RBMS3: variants seen among roughly 807,000 people sequenced by gnomAD.
The protein encoded by RBMS3 is RNA binding motif single stranded interacting protein 3, also known as RNA-binding motif, single-stranded-interacting protein 3.
RBMS3 carries 27 observed loss-of-function variants against 66.8 expected under a neutral mutation model. The ratio of observed to expected loss-of-function variants is 0.40; its 90% CI spans 0.30 to 0.56. The LOEUF (loss-of-function observed/expected upper bound fraction) is 0.56, where lower values mean the gene tolerates loss of function less well. RBMS3 is among the 20% of genes least tolerant of loss of function. The pLI is 0.40. For synonymous variants in RBMS3, 188 were observed against 183.0 expected, an observed-to-expected ratio of 1.03 and a Z score of -0.22; for missense variants, 513 against 549.5, an observed-to-expected ratio of 0.93 and a Z score of 0.66.
intron 1 of RBMS3, among the ~76,000 whole-genome samples, chr3:29,285,077 A>G (rs1321273201): frequency 6.6e-6 from 1 of 151,210 alleles, no homozygotes; most frequent in African/African-American, 2.4e-5. Context: ...AAAATAGTTC[A>G]TTAGCTTAAT....
intron 6 of RBMS3, among the ~76,000 whole-genome samples, chr3:29,807,882 C>CT: frequency 6.6e-6 from 1 of 151,888 alleles, no homozygotes; most frequent in Middle Eastern, 3.4e-3. Context: ...TTTTCTTCCT[C>CT]TTTTTTCCTC....
intron 4 of RBMS3, among the ~76,000 whole-genome samples, chr3:29,664,551 C>T (rs1056195537): frequency 6.6e-6 from 1 of 151,528 alleles, no homozygotes; most frequent in African/African-American, 2.4e-5. Flanking sequence ...AAAGTTGAAG[C>T]AATGGTTTTT....
chr3:29,595,666 G>A (rs565319569), intron 4 of RBMS3, among the ~76,000 whole-genome samples: 16 of 152,254 alleles, frequency 1.1e-4, no homozygotes, highest in African/African-American at 3.4e-4. Context: ...TTTGTCCCAC[G>A]TAGATTCTGA....
intron 1 of RBMS3, among the ~76,000 whole-genome samples, chr3:29,408,549 A>G (rs951748441): frequency 7.9e-5 from 12 of 152,276 alleles, no homozygotes; most frequent in African/African-American, 2.2e-4. Context: ...ACATTTGATA[A>G]TGGTCTTTAA....
At chr3:29,628,186 T>G (rs552037553) in intron 4 of RBMS3, among the ~76,000 whole-genome samples, 27 of 152,304 alleles carry the variant, frequency 1.8e-4, no homozygotes, top group African/African-American at 6.5e-4. Flanking sequence ...GTTGGCTAAT[T>G]AATGCTCAAT....
intron 6 of RBMS3, among the ~76,000 whole-genome samples, chr3:29,772,676 TCAGGGGTAGGATTCTTTCTGAAGA>T (rs535179220): frequency 2.0e-4 from 30 of 152,046 alleles, no homozygotes; most frequent in African/African-American, 7.2e-4. Context: ...AGAGGAAGCA[TCAGGGGTAGGATTCTTTCTGAAGA>T]CAGGCCAGGG....
At chr3:29,639,625 A>AGAGAGAGAGAG in intron 4 of RBMS3, among the ~76,000 whole-genome samples, 1 of 122,268 alleles carries the variant, frequency 8.2e-6, no homozygotes, top group East Asian at 3.3e-4. Flanking sequence ...GAGAGAGAGA[A>AGAGAGAGAGAG]TGATCAGAAT....
chr3:29,869,236 T>G (rs2059432651), intron 7 of RBMS3, among the ~76,000 whole-genome samples: 2 of 152,172 alleles, frequency 1.3e-5, no homozygotes, highest in Admixed American at 1.3e-4. Context: ...AATACTTATC[T>G]ACAAAGAATT....
intron 4 of RBMS3, among the ~76,000 whole-genome samples, chr3:29,676,891 A>G (rs754506448): frequency 6.6e-6 from 1 of 152,084 alleles, no homozygotes; most frequent in Non-Finnish European, 1.5e-5. Context: ...TTGCATTGCT[A>G]TGAAGAAATA....
chr3:29,590,023 G>A (rs1461954218), intron 4 of RBMS3, among the ~76,000 whole-genome samples: 4 of 151,822 alleles, frequency 2.6e-5, no homozygotes, highest in Non-Finnish European at 5.9e-5. Flanking sequence ...GATTAATAAT[G>A]AATTACCATT....
At chr3:29,788,137 G>A (rs910238473) in intron 6 of RBMS3, among the ~76,000 whole-genome samples, 1 of 151,004 alleles carries the variant, frequency 6.6e-6, no homozygotes, top group Non-Finnish European at 1.5e-5. Context: ...CTCCAACAGT[G>A]GCAAGTACCC....
At chr3:29,513,849 C>T (rs2044509512) in intron 3 of RBMS3, among the ~76,000 whole-genome samples, 1 of 152,148 alleles carries the variant, frequency 6.6e-6, no homozygotes, top group Non-Finnish European at 1.5e-5. Context: ...TACTTTCCTT[C>T]TTGCCTAGCT....
intron 11 of RBMS3, among the ~76,000 whole-genome samples, chr3:29,939,497 G>T (rs1431055123): frequency 6.6e-6 from 1 of 151,860 alleles, no homozygotes. Context: ...TTGCCACATG[G>T]ACATACAGAC....
intron 4 of RBMS3, among the ~76,000 whole-genome samples, chr3:29,630,076 T>C (rs550549885): frequency 8.5e-5 from 13 of 152,196 alleles, no homozygotes; most frequent in African/African-American, 3.1e-4. Context: ...AGCCACACTC[T>C]ACCTTTGCAG....
intron 4 of RBMS3, among the ~76,000 whole-genome samples, chr3:29,645,670 C>G (rs17024067): frequency 0.29 from 44,272 of 152,102 alleles, 6,662 homozygotes; most frequent in Middle Eastern, 0.36. Flanking sequence ...AAGTCAGCTT[C>G]TGTAACACGT....
chr3:29,862,713 G>C (rs75767332), intron 6 of RBMS3, among the ~76,000 whole-genome samples: 2,521 of 151,984 alleles, frequency 0.017, 32 homozygotes, highest in Non-Finnish European at 0.026. Flanking sequence ...GTGTGGCGGC[G>C]TGTGCCTATA....
At chr3:29,422,446 G>A (rs576288528) in intron 1 of RBMS3, among the ~76,000 whole-genome samples, 1 of 149,992 alleles carries the variant, frequency 6.7e-6, no homozygotes, top group South Asian at 2.1e-4. Flanking sequence ...AAGAAAAGAT[G>A]CATCTGGAAT....
At chr3:29,625,237 A>C (rs141417336) in intron 4 of RBMS3, among the ~76,000 whole-genome samples, 3 of 152,128 alleles carry the variant, frequency 2.0e-5, no homozygotes, top group Non-Finnish European at 2.9e-5. Context: ...AATACAATTG[A>C]CTACAAATTT....
Position 29,739,744 on chromosome 3 carries a change from C to T in RBMS3, c.424C>T (p.Leu142=). 6.2e-7 allele frequency: 1 copy of T among 1,610,892 alleles called. No homozygotes were observed. The highest frequency in any genetic ancestry group is 8.5e-7 in the Non-Finnish European group (1 of 1,178,702). The change falls in exon 5 of 15, where the codon CTA becomes TTA. Residue 142 remains leucine (L), a synonymous_variant. Coordinates refer to ENST00000383767, the MANE Select transcript of RBMS3 (RefSeq NM_001003793.3). ...GCAACAAGAGCAAGACCCAACAAAC[C>T]TATACATCTCAAATCTCCCCATTTC... ...AKQQEQDPTN[L]YISNLPISMD...
Sources: gnomAD v4.1 joint callset for allele counts (sites outside exome capture counted in the v4.1 genomes callset) on GRCh38, gnomAD v4.1.1 for gene constraint, MANE v1.5 for transcripts, NCBI Gene and HGNC (gene_info 2026-07-23, HGNC 2026-07-21) for gene names.